Variants in CACNA2D3 observed in about 807,000 individuals in gnomAD.
The protein encoded by CACNA2D3 is voltage-dependent calcium channel subunit alpha-2/delta-3.
Under a neutral mutation model 160.6 loss-of-function variants are expected in CACNA2D3, and 60 were observed. The observed-to-expected ratio is 0.37, with a 90% CI of 0.30 to 0.46. The LOEUF (loss-of-function observed/expected upper bound fraction) is 0.46. Ranked by LOEUF, CACNA2D3 falls within the 20% of genes least tolerant of loss-of-function variation. CACNA2D3 has a pLI of 1.00. For missense variants in CACNA2D3, 1,205 were observed against 1,365.0 expected (o/e 0.88, Z 1.85); for synonymous variants, 558 against 492.9 (o/e 1.13, Z -1.75).
chr3:54,626,285 T>G (rs1699098980), intron 9 of CACNA2D3: 5 of 1,479,778 alleles, frequency 3.4e-6, no homozygotes, highest in Non-Finnish European at 4.6e-6. Context: ...CTGGACCAGC[T>G]GCTGGACATG....
At chr3:54,729,450 T>C (rs895649615) in intron 11 of CACNA2D3, among the ~76,000 whole-genome samples, 3 of 51,788 alleles carry the variant, frequency 5.8e-5, no homozygotes, top group African/African-American at 2.5e-4. Flanking sequence ...TTTCTCCAAT[T>C]AATACTTTTA....
intron 3 of CACNA2D3, among the ~76,000 whole-genome samples, chr3:54,358,375 A>G (rs531757444): frequency 1.7e-4 from 26 of 152,360 alleles, no homozygotes; most frequent in African/African-American, 6.0e-4. Context: ...GTTTAAGGAA[A>G]GGACACCTCC....
chr3:54,277,084 G>A (rs1375833840), intron 2 of CACNA2D3, among the ~76,000 whole-genome samples: 1 of 152,242 alleles, frequency 6.6e-6, no homozygotes, highest in African/African-American at 2.4e-5. Flanking sequence ...CACAGACCCA[G>A]TGTACCATCC....
chr3:54,828,757 G>T (rs1056701231), intron 14 of CACNA2D3, among the ~76,000 whole-genome samples: 1 of 152,106 alleles, frequency 6.6e-6, no homozygotes, highest in East Asian at 1.9e-4. Flanking sequence ...GTTTACTTTT[G>T]TATTTAAACA....
intron 4 of CACNA2D3, 123 bp from the exon 5 acceptor site, chr3:54,503,369 G>T: frequency 2.6e-6 from 2 of 776,598 alleles, no homozygotes; most frequent in Admixed American, 4.7e-5. Flanking sequence ...GACATAAAAA[G>T]ATTATGTGAG....
chr3:54,834,999 T>C (rs1407804153), intron 14 of CACNA2D3, among the ~76,000 whole-genome samples: 1 of 152,216 alleles, frequency 6.6e-6, no homozygotes, highest in African/African-American at 2.4e-5. Flanking sequence ...CTGATTAAAA[T>C]GTTAGTCACA....
intron 11 of CACNA2D3, among the ~76,000 whole-genome samples, chr3:54,669,618 G>A (rs904716288): frequency 6.6e-6 from 1 of 152,114 alleles, no homozygotes; most frequent in African/African-American, 2.4e-5. Context: ...GATGTTTAGA[G>A]ATCAAAAATG....
At chr3:54,974,219 A>G (rs17054617) in intron 29 of CACNA2D3, among the ~76,000 whole-genome samples, 153 of 152,320 alleles carry the variant, frequency 1.0e-3, no homozygotes, top group African/African-American at 3.6e-3. Context: ...TAGGTGACCA[A>G]TAAACATTTG....
Position 54,891,424 on chromosome 3 carries a change from T to G in CACNA2D3, c.2220T>G (p.Phe740Leu). The G allele has an allele frequency of 6.2e-7, 1 of 1,613,894 alleles. No homozygotes were observed. The highest frequency in any genetic ancestry group is 8.5e-7 in the Non-Finnish European group (1 of 1,179,860). The change falls in exon 25 of 38, where the codon TTT becomes TTG. Residue 740 changes from phenylalanine (F) to leucine (L), a missense_variant. By Grantham distance (22) the Phe-to-Leu change is conservative (BLOSUM62 0). This residue lies in a region of CACNA2D3 where 911 missense variants were observed against 1,002.2 expected (regional missense o/e 0.91). Coordinates refer to ENST00000474759, the MANE Select transcript of CACNA2D3 (RefSeq NM_018398.3). ...TRTGLSRINL[F>L]VGAEQLTNQD... The stretch of plus-strand genomic sequence containing the variant: ...CGGGCCTCTCCAGAATCAACCTGTT[T>G]GTCGGGGCTGAGCAGCTCACCAATC...
chr3:54,840,008 T>A (rs894629492), intron 16 of CACNA2D3, among the ~76,000 whole-genome samples: 1 of 152,152 alleles, frequency 6.6e-6, no homozygotes, highest in Non-Finnish European at 1.5e-5. Context: ...CTAAAGATAG[T>A]GGACTTGACT....
chr3:54,225,942 T>A (rs1234339100), intron 2 of CACNA2D3, among the ~76,000 whole-genome samples: 5 of 152,074 alleles, frequency 3.3e-5, no homozygotes, highest in Admixed American at 6.5e-5. Context: ...GAGCAGTGAG[T>A]TCACCTTCAC....
At chr3:54,367,538 C>T (rs901713783) in intron 3 of CACNA2D3, 1 of 316,554 alleles carries the variant, frequency 3.2e-6, no homozygotes, top group South Asian at 2.5e-5. Context: ...GTGCAGGGCT[C>T]ATGAGGAATG....
At chr3:54,821,272 A>G (rs1575494931) in intron 14 of CACNA2D3, among the ~76,000 whole-genome samples, 1 of 152,350 alleles carries the variant, frequency 6.6e-6, no homozygotes, top group African/African-American at 2.4e-5. Context: ...TGGAACAGCA[A>G]TTGATGCATT....
intron 6 of CACNA2D3, among the ~76,000 whole-genome samples, chr3:54,563,470 C>T (rs1321155072): frequency 6.6e-6 from 1 of 152,224 alleles, no homozygotes; most frequent in Non-Finnish European, 1.5e-5. Context: ...AGCACCCTAG[C>T]ACCCCCAGTA....
chr3:54,784,960 C>G (rs1397431087), intron 13 of CACNA2D3, among the ~76,000 whole-genome samples: 1 of 152,110 alleles, frequency 6.6e-6, no homozygotes, highest in Non-Finnish European at 1.5e-5. Flanking sequence ...TAGTTTTGTA[C>G]CTCTCTACAC....
At chr3:55,028,713 G>T (rs1703616490) in intron 35 of CACNA2D3, among the ~76,000 whole-genome samples, 1 of 152,156 alleles carries the variant, frequency 6.6e-6, no homozygotes, top group African/African-American at 2.4e-5. Context: ...CAACATTTCA[G>T]TGTTGGCAAA....
intron 3 of CACNA2D3, among the ~76,000 whole-genome samples, chr3:54,344,327 G>A (rs1382626667): frequency 6.6e-6 from 1 of 152,122 alleles, no homozygotes; most frequent in Non-Finnish European, 1.5e-5. Flanking sequence ...GTATGTCTTT[G>A]TGCCATTTGT....
chr3:54,256,097 G>C (rs1277333681), intron 2 of CACNA2D3, among the ~76,000 whole-genome samples: 1 of 152,178 alleles, frequency 6.6e-6, no homozygotes, highest in Non-Finnish European at 1.5e-5. Context: ...CTGAGAAAAG[G>C]TTGTATACAC....
intron 3 of CACNA2D3, among the ~76,000 whole-genome samples, chr3:54,344,460 A>T (rs979178669): frequency 1.3e-5 from 2 of 152,200 alleles, no homozygotes; most frequent in Admixed American, 1.3e-4. Flanking sequence ...GGAAACCATA[A>T]AGTAAAGCAA....
Sources: gnomAD v4.1 joint callset for allele counts (sites outside exome capture counted in the v4.1 genomes callset) on GRCh38, gnomAD v4.1.1 for gene constraint, gnomAD v4.1.1 regional missense constraint, MANE v1.5 for transcripts, NCBI Gene and HGNC (gene_info 2026-07-23, HGNC 2026-07-21) for gene names.